Variants in PCLO observed in about 807,000 individuals in gnomAD.
PCLO encodes the protein protein piccolo.
In PCLO, 82 loss-of-function variants were observed where a neutral mutation model predicts 427.5. That is an observed-to-expected ratio of 0.19 (90% confidence interval 0.16 to 0.23). The LOEUF (loss-of-function observed/expected upper bound fraction) is 0.23. Ranked by LOEUF, PCLO falls within the 10% of genes least tolerant of loss-of-function variation. PCLO has a pLI of 1.00. For missense variants in PCLO, 6,239 were observed against 6,115.9 expected, an observed-to-expected ratio of 1.02 and a Z score of -0.67; for synonymous variants, 2,357 against 2,155.4, an observed-to-expected ratio of 1.09 and a Z score of -2.59.
chr7:82,913,242 A>G, intron 7 of PCLO, among the ~76,000 whole-genome samples: 1 of 152,044 alleles, frequency 6.6e-6, no homozygotes, highest in East Asian at 1.9e-4. Flanking sequence ...TTTCACAAAC[A>G]AAAGCAGTTT....
At chr7:83,095,129 A>C (rs1455254289) in intron 3 of PCLO, among the ~76,000 whole-genome samples, 1 of 152,142 alleles carries the variant, frequency 6.6e-6, no homozygotes, top group Non-Finnish European at 1.5e-5. Context: ...TTTTAAATTC[A>C]ATTCTGTAAT....
intron 3 of PCLO, among the ~76,000 whole-genome samples, chr7:83,124,372 G>C (rs1032175043): frequency 4.8e-5 from 7 of 144,950 alleles, no homozygotes; most frequent in African/African-American, 1.8e-4. Context: ...AAAAAAAAAA[G>C]AGAAAGTAAA....
intron 3 of PCLO, among the ~76,000 whole-genome samples, chr7:83,125,895 A>T (rs1791426190): frequency 6.6e-6 from 1 of 150,858 alleles, no homozygotes; most frequent in Non-Finnish European, 1.5e-5. Flanking sequence ...TACTAAAAAA[A>T]TTAAAAAAAA....
intron 9 of PCLO, among the ~76,000 whole-genome samples, chr7:82,887,381 T>C (rs546663856): frequency 1.3e-5 from 2 of 152,318 alleles, no homozygotes; most frequent in African/African-American, 4.8e-5. Context: ...CCTTGCTTAT[T>C]TTTCTACTGC....
At chr7:83,000,787 C>T (rs1477891574) in intron 3 of PCLO, among the ~76,000 whole-genome samples, 1 of 151,842 alleles carries the variant, frequency 6.6e-6, no homozygotes, top group Admixed American at 6.6e-5. Flanking sequence ...CTTGGATCTA[C>T]ATAAAGTAAG....
intron 6 of PCLO, among the ~76,000 whole-genome samples, chr7:82,947,029 T>C (rs768559610): frequency 1.3e-5 from 2 of 152,334 alleles, no homozygotes; most frequent in East Asian, 1.9e-4. Flanking sequence ...CTTGCCTTTC[T>C]GATTGTATTT....
intron 6 of PCLO, among the ~76,000 whole-genome samples, chr7:82,943,502 G>T (rs2116391587): frequency 6.6e-6 from 1 of 151,212 alleles, no homozygotes; most frequent in South Asian, 2.1e-4. Flanking sequence ...TATACTTTAA[G>T]ATACATAAAT....
intron 3 of PCLO, among the ~76,000 whole-genome samples, chr7:83,063,571 G>A (rs1789592268): frequency 1.3e-5 from 2 of 152,106 alleles, no homozygotes; most frequent in African/African-American, 4.8e-5. Context: ...CAAGTTTTCT[G>A]AGTGTTTAGG....
At chr7:83,073,267 C>A (rs1167610880) in intron 3 of PCLO, among the ~76,000 whole-genome samples, 1 of 151,910 alleles carries the variant, frequency 6.6e-6, no homozygotes, top group Non-Finnish European at 1.5e-5. Context: ...AAAATTACAG[C>A]CCATTAAAAT....
At chr7:82,964,549 AAGAT>A (rs1795722691) in intron 4 of PCLO, among the ~76,000 whole-genome samples, 1 of 152,182 alleles carries the variant, frequency 6.6e-6, no homozygotes, top group Admixed American at 6.5e-5. Context: ...GGACTTTGCA[AAGAT>A]AAATCATAGA....
At chr7:82,841,341 G>A (rs1314076130) in intron 14 of PCLO, 118 bp downstream of exon 14, 1 of 686,938 alleles carries the variant, frequency 1.5e-6, no homozygotes, top group Non-Finnish European at 2.6e-6. Flanking sequence ...TTCCTTTACA[G>A]TTCTGTATAT....
At chr7:82,885,913 A>T (rs1280070173) in intron 9 of PCLO, among the ~76,000 whole-genome samples, 1 of 152,152 alleles carries the variant, frequency 6.6e-6, no homozygotes, top group African/African-American at 2.4e-5. Flanking sequence ...TCTCCAAAGA[A>T]GTGACTTGGC....
At chr7:82,894,493 ACTC>A (rs1419935045) in intron 9 of PCLO, 4 of 151,724 alleles carry the variant, frequency 2.6e-5, no homozygotes, top group African/African-American at 9.7e-5. Flanking sequence ...ATGCAGGGAA[ACTC>A]CTCCTTATAA....
At chr7:83,068,993 A>T (rs370467224) in intron 3 of PCLO, among the ~76,000 whole-genome samples, 1 of 152,322 alleles carries the variant, frequency 6.6e-6, no homozygotes, top group South Asian at 2.1e-4. Flanking sequence ...TCTCACTTAT[A>T]TGTGGAATTT....
Position 82,761,112 on chromosome 7 carries a change from G to A in PCLO, c.15142+247C>T, listed in dbSNP as rs1790423675. Among the ~76,000 whole-genome samples the A allele has an allele frequency of 2.0e-5, 3 of 151,166 alleles. No homozygotes were observed. In the Admixed American group the frequency reaches 2.0e-4, roughly 10 times the overall value. On this transcript the variant is annotated intron_variant, in intron 23 of 24. Transcript: ENST00000333891. ...CAGGCAGGAGCGACCACACCTAACT[G>A]ATATATCTATTTTTCTTAACAATTT...
At chr7:82,764,288 A>T (rs1790488480) in intron 22 of PCLO, among the ~76,000 whole-genome samples, 1 of 151,866 alleles carries the variant, frequency 6.6e-6, no homozygotes, top group African/African-American at 2.4e-5. Flanking sequence ...ACATTATAAA[A>T]ACTATAAATA....
At chr7:83,151,179 T>G (rs1296995001) in intron 2 of PCLO, among the ~76,000 whole-genome samples, 3 of 152,198 alleles carry the variant, frequency 2.0e-5, no homozygotes, top group African/African-American at 7.2e-5. Context: ...TTAGACCTTT[T>G]GATTGCGTTT....
intron 22 of PCLO, among the ~76,000 whole-genome samples, chr7:82,777,678 G>A (rs541313975): frequency 2.0e-5 from 3 of 152,056 alleles, no homozygotes; most frequent in Non-Finnish European, 4.4e-5. Context: ...ACCTTGCTGA[G>A]GTCAGCTAAG....
At chr7:83,060,922 T>A (rs1026011167) in intron 3 of PCLO, among the ~76,000 whole-genome samples, 1 of 152,218 alleles carries the variant, frequency 6.6e-6, no homozygotes, top group Admixed American at 6.5e-5. Context: ...TCCATAAAGT[T>A]TGGTAGATAT....
Sources: gnomAD v4.1 joint callset for allele counts (sites outside exome capture counted in the v4.1 genomes callset) on GRCh38, gnomAD v4.1.1 for gene constraint, MANE v1.5 for transcripts, NCBI Gene and HGNC (gene_info 2026-07-23, HGNC 2026-07-21) for gene names.